GRIN2A: variants seen among roughly 807,000 people sequenced by gnomAD.
GRIN2A encodes the protein glutamate ionotropic receptor NMDA type subunit 2A.
A neutral mutation model predicts 113.4 loss-of-function variants in GRIN2A; 22 were observed. The observed-to-expected ratio is 0.19, with a 90% CI of 0.14 to 0.28. The LOEUF is 0.28. GRIN2A is among the 10% of genes least tolerant of loss of function. GRIN2A has a pLI of 1.00. For synonymous variants in GRIN2A, 827 were observed against 738.4 expected, an observed-to-expected ratio of 1.12 and a Z score of -1.94; for missense variants, 1,502 against 1,887.0, an observed-to-expected ratio of 0.80 and a Z score of 3.78.
chr16:10,148,708 A>G (rs1046087293), intron 2 of GRIN2A, among the ~76,000 whole-genome samples: 1 of 152,232 alleles, frequency 6.6e-6, no homozygotes, highest in African/African-American at 2.4e-5. Context: ...TGACCCAGCA[A>G]TCCTACTGCT....
At chr16:9,842,278 AGAAAG>A (rs1426136869) in intron 5 of GRIN2A, among the ~76,000 whole-genome samples, 1 of 152,188 alleles carries the variant, frequency 6.6e-6, no homozygotes, top group Non-Finnish European at 1.5e-5. Flanking sequence ...AAGAAAAGAA[AGAAAG>A]GAAACACTGG....
At chr16:9,822,535 G>T in intron 9 of GRIN2A, 111 bp from the exon 10 acceptor site, 1 of 763,608 alleles carries the variant, frequency 1.3e-6, no homozygotes, top group Non-Finnish European at 2.3e-6. Flanking sequence ...GTGTTAGGAG[G>T]TAAATGCATG....
rs147051366 is a variant in GRIN2A, at chr16:10,126,593, G to C, written c.414+53405C>G. Among the ~76,000 whole-genome samples, 60 of 152,060 alleles carry C rather than the reference G, an allele frequency of 3.9e-4. 1 individual carries two copies. The highest frequency in any genetic ancestry group is 3.8e-4 in the Non-Finnish European group (26 of 67,972). On this transcript the variant is annotated intron_variant, in intron 2 of 12. Transcript: ENST00000330684. Reference sequence around the variant, plus strand: ...TCATTTCTCTTCCATTTTTCTTTTAGGGTGTTTTGTCTTTTTCTTAATTTG... The same window carrying C: ...TCATTTCTCTTCCATTTTTCTTTTACGGTGTTTTGTCTTTTTCTTAATTTG...
At chr16:9,799,222 A>G (rs1390562819) in intron 10 of GRIN2A, among the ~76,000 whole-genome samples, 1 of 152,222 alleles carries the variant, frequency 6.6e-6, no homozygotes, top group African/African-American at 2.4e-5. Context: ...GTCCACCCCT[A>G]ACATTCATAC....
Position 9,757,719 on chromosome 16 carries a change from A to C in GRIN2A, c.*5430T>G, listed in dbSNP as rs1052305023. On this transcript the variant is annotated 3_prime_UTR_variant, in exon 13 of 13. Coordinates refer to ENST00000330684, the MANE Select transcript of GRIN2A (RefSeq NM_001134407.3). The stretch of plus-strand genomic sequence containing the variant: ...CTGCCAGCCTTTTATCTTCAGTTTG[A>C]GGTTTTAAACAATATCCCTGTTGAT... 1 of 216,446 alleles carries C rather than the reference A, an allele frequency of 4.6e-6. No homozygotes were observed. Among genetic ancestry groups the C allele is most frequent in the Non-Finnish European group, 9.3e-6 (1 of 107,388 alleles). The allele number at this position is 216,446 out of a possible 1,614,324, so 13.4% of individuals were successfully genotyped here.
intron 9 of GRIN2A, among the ~76,000 whole-genome samples, chr16:9,825,726 G>T (rs1474025727): frequency 2.6e-5 from 4 of 152,124 alleles, no homozygotes; most frequent in Non-Finnish European, 5.9e-5. Context: ...GTGTGTCCTT[G>T]AGCAGAGAGA....
intron 2 of GRIN2A, among the ~76,000 whole-genome samples, chr16:10,166,748 T>A (rs1285430048): frequency 6.6e-6 from 1 of 152,188 alleles, no homozygotes; most frequent in African/African-American, 2.4e-5. Flanking sequence ...TGCATGCGTC[T>A]ACCTATACGC....
At position 9,758,272 on chromosome 16, in the gene GRIN2A, C is replaced by G. The variant is rs956422917; in HGVS notation, c.*4877G>C. On this transcript the variant is annotated 3_prime_UTR_variant, in exon 13 of 13. Coordinates refer to ENST00000330684, the MANE Select transcript of GRIN2A (RefSeq NM_001134407.3). ...GGAATTTAAATAGGAAATCTATGCCCTTTGATGTGTTTAAGGAAATCACAC... is the reference window on the plus strand; with the variant it reads ...GGAATTTAAATAGGAAATCTATGCCGTTTGATGTGTTTAAGGAAATCACAC... 4 of 223,220 alleles carry G rather than the reference C, an allele frequency of 1.8e-5. No homozygotes were observed. Among genetic ancestry groups the G allele is most frequent in the Non-Finnish European group, 2.7e-5 (3 of 111,770 alleles). 13.8% of individuals were successfully genotyped at this position (223,220 alleles called of 1,614,324 possible).
At chr16:9,775,912 T>G (rs1901571583) in intron 11 of GRIN2A, among the ~76,000 whole-genome samples, 1 of 152,210 alleles carries the variant, frequency 6.6e-6, no homozygotes, top group Admixed American at 6.5e-5. Flanking sequence ...TGTACAATGG[T>G]GCTACCATGT....
intron 2 of GRIN2A, among the ~76,000 whole-genome samples, chr16:10,003,466 G>C (rs2046355397): frequency 6.6e-6 from 1 of 152,156 alleles, no homozygotes; most frequent in Non-Finnish European, 1.5e-5. Flanking sequence ...TTAATAAAAA[G>C]AGAAAAAACG....
At chr16:9,966,874 T>C (rs907286001) in intron 2 of GRIN2A, among the ~76,000 whole-genome samples, 1 of 152,178 alleles carries the variant, frequency 6.6e-6, no homozygotes, top group Non-Finnish European at 1.5e-5. Context: ...TCTCAAGTGA[T>C]AGTGATGATG....
intron 10 of GRIN2A, among the ~76,000 whole-genome samples, chr16:9,809,868 G>C (rs545899741): frequency 6.6e-6 from 1 of 152,324 alleles, no homozygotes; most frequent in Admixed American, 6.5e-5. Context: ...GGGAGTTCGA[G>C]ACCAGTCTGG....
intron 10 of GRIN2A, among the ~76,000 whole-genome samples, chr16:9,813,518 T>TA (rs375904709): frequency 0.015 from 1,694 of 109,822 alleles, 39 homozygotes; most frequent in African/African-American, 0.051. Context: ...CTGTTTTTTT[T>TA]GCCTTTTTTT....
intron 2 of GRIN2A, among the ~76,000 whole-genome samples, chr16:10,137,485 C>T (rs2049221370): frequency 6.6e-6 from 1 of 152,154 alleles, no homozygotes; most frequent in Admixed American, 6.6e-5. Context: ...CCAGTCCTTC[C>T]TGCACACTAT....
chr16:9,990,544 C>G (rs768415788), intron 2 of GRIN2A, among the ~76,000 whole-genome samples: 1 of 113,892 alleles, frequency 8.8e-6, no homozygotes, highest in Non-Finnish European at 1.8e-5. Flanking sequence ...TCTCTCTCTA[C>G]ACGCGCGCGC....
At chr16:10,159,976 G>A (rs1431794782) in intron 2 of GRIN2A, among the ~76,000 whole-genome samples, 3 of 152,202 alleles carry the variant, frequency 2.0e-5, no homozygotes, top group Non-Finnish European at 4.4e-5. Context: ...AGTTCTGGAA[G>A]CTAGTAAAGG....
chr16:10,086,026 G>A (rs1256812589), intron 2 of GRIN2A, among the ~76,000 whole-genome samples: 3 of 152,232 alleles, frequency 2.0e-5, no homozygotes, highest in East Asian at 1.9e-4. Context: ...TGTGCTCCAC[G>A]GGTGTCCTCT....
At chr16:9,824,476 C>G (rs986600652) in intron 9 of GRIN2A, among the ~76,000 whole-genome samples, 4 of 152,208 alleles carry the variant, frequency 2.6e-5, no homozygotes, top group Admixed American at 1.3e-4. Flanking sequence ...CACTCCCCGT[C>G]TGTTGCAGAG....
intron 2 of GRIN2A, among the ~76,000 whole-genome samples, chr16:9,991,578 T>C (rs548896129): frequency 6.6e-6 from 1 of 152,252 alleles, no homozygotes; most frequent in Non-Finnish European, 1.5e-5. Context: ...GAGTCTCCAG[T>C]GTCTATTATG....
Sources: gnomAD v4.1 joint callset for allele counts (sites outside exome capture counted in the v4.1 genomes callset) on GRCh38, gnomAD v4.1.1 for gene constraint, MANE v1.5 for transcripts, NCBI Gene and HGNC (gene_info 2026-07-23, HGNC 2026-07-21) for gene names.